NCAPG: variants seen among roughly 807,000 people sequenced by gnomAD.
NCAPG encodes the protein non-SMC condensin I complex subunit G.
NCAPG carries 69 observed loss-of-function variants against 113.1 expected under a neutral mutation model. That is an observed-to-expected ratio of 0.61 (90% CI 0.50 to 0.75). The LOEUF is 0.75. Ranked by LOEUF, NCAPG falls within the 30% of genes least tolerant of loss-of-function variation. The pLI is 0.00. For synonymous variants in NCAPG, 370 were observed against 415.8 expected, an observed-to-expected ratio of 0.89 and a Z score of 1.34; for missense variants, 1,058 against 1,177.0, an observed-to-expected ratio of 0.90 and a Z score of 1.48.
At position 17,812,110 on chromosome 4, in the gene NCAPG, TTTTAA is replaced by T. The variant is rs544934964; in HGVS notation, c.112-107_112-103del. 7.8e-5 allele frequency: 63 copies of T among 804,590 alleles called. 1 individual carries two copies. In the South Asian group the frequency reaches 1.0e-3, roughly 13 times the overall value. 49.8% of individuals were successfully genotyped at this position (804,590 alleles called of 1,614,324 possible). ...TAATTAAGAGTTTACTAAATAAATA[TTTTAA>T]TTTGTCTGCATTATTATGGCTAGTG... On this transcript the variant is annotated intron_variant, in intron 1 of 20. Transcript: ENST00000251496.
chr4:17,812,207 CT>C lies in NCAPG; in HGVS notation c.112-10del. 1 of 1,606,846 alleles carries C rather than the reference CT, an allele frequency of 6.2e-7. No individual in the cohort carries two copies. ...TATCGGTGCAGTTTATGAAGGGTTT[CT>C]TTTGTCTTTCAGATGGATGATAAGA... On this transcript the variant is annotated splice_polypyrimidine_tract_variant and intron_variant, in intron 1 of 20. Transcript: ENST00000251496.
chr4:17,839,968 C>A (rs954025532), intron 17 of NCAPG, 103 bp from the exon 18 acceptor site: 23 of 1,449,898 alleles, frequency 1.6e-5, no homozygotes, highest in Non-Finnish European at 2.1e-5. Flanking sequence ...TCATAAATTT[C>A]ATATAATTTA....
chr4:17,838,007 TGAAAA>T (rs1394801843), intron 16 of NCAPG, among the ~76,000 whole-genome samples: 1 of 152,222 alleles, frequency 6.6e-6, no homozygotes, highest in Non-Finnish European at 1.5e-5. Context: ...TTTTTGCTAC[TGAAAA>T]GAAATTACTA....
intron 11 of NCAPG, among the ~76,000 whole-genome samples, chr4:17,826,526 C>G (rs909421024): frequency 6.6e-6 from 1 of 152,096 alleles, no homozygotes; most frequent in African/African-American, 2.4e-5. Flanking sequence ...ATTTGGAAAG[C>G]AAATTTAAAG....
At chr4:17,840,244 C>CT in intron 18 of NCAPG, 35 bp downstream of exon 18, 5 of 1,469,214 alleles carry the variant, frequency 3.4e-6, no homozygotes, top group East Asian at 2.5e-5. Context: ...TTATAAGGTT[C>CT]TGTTTTTTTT....
intron 7 of NCAPG, among the ~76,000 whole-genome samples, chr4:17,819,831 C>T (rs1721378731): frequency 1.3e-5 from 2 of 152,196 alleles, no homozygotes; most frequent in Admixed American, 6.5e-5. Context: ...GTGCATGCCT[C>T]TAAATTTCCC....
At chr4:17,830,186 G>A (rs1361296308) in intron 12 of NCAPG, among the ~76,000 whole-genome samples, 1 of 152,116 alleles carries the variant, frequency 6.6e-6, no homozygotes, top group Non-Finnish European at 1.5e-5. Flanking sequence ...GAGCTCAGGA[G>A]TTTGAGACCA....
chr4:17,842,685 A>G lies in NCAPG; in HGVS notation c.2924+306A>G. On this transcript the variant is annotated intron_variant, in intron 20 of 20. Transcript: ENST00000251496. ...AGTTAGCAAACTCTTGATTTTGATA[A>G]TATTTGGGTTCTCTACACTTACATA... The G allele has an allele frequency of 1.4e-5, 4 of 276,026 alleles. No individual in the cohort carries two copies. In the East Asian group the frequency reaches 3.3e-4, roughly 23 times the overall value. The allele number at this position is 276,026 out of a possible 1,614,324, so 17.1% of individuals were successfully genotyped here.
chr4:17,817,141 G>A, intron 5 of NCAPG, 120 bp from the exon 6 acceptor site: 2 of 674,918 alleles, frequency 3.0e-6, no homozygotes, highest in Non-Finnish European at 2.5e-6. Flanking sequence ...GCTTAGTTGT[G>A]CCTCTTAACC....
intron 8 of NCAPG, 36 bp from the exon 9 acceptor site, chr4:17,823,611 C>T (rs1560225959): frequency 1.9e-6 from 3 of 1,569,706 alleles, no homozygotes; most frequent in Admixed American, 1.8e-5. Context: ...CATGTTTTGT[C>T]ATAATAATAT....
intron 13 of NCAPG, 27 bp downstream of exon 13, chr4:17,831,143 A>C (rs1340312729): frequency 1.2e-6 from 2 of 1,607,812 alleles, no homozygotes; most frequent in Non-Finnish European, 1.7e-6. Flanking sequence ...GATAAATCTC[A>C]ACTGTATTTC....
At position 17,837,721 on chromosome 4, in the gene NCAPG, A is replaced by C. The variant is rs767619070; in HGVS notation, c.2386A>C (p.Thr796Pro). The C allele has an allele frequency of 1.9e-6, 3 of 1,614,026 alleles. No individual in the cohort carries two copies. In the South Asian group the frequency reaches 3.3e-5, roughly 18 times the overall value. ...ASSPLAEIDI[T>P]NVAELLVDLT... ...TTCTCCTTTAGCTGAAATTGATATC[A>C]CAAATGTTGCTGAGTTACTTGTAGA... Residue 796 changes from threonine (T) to proline (P), a missense_variant, in exon 16 of 21, where the codon ACA (threonine) becomes CCA (proline). By Grantham distance (38) the Thr-to-Pro change is conservative. Transcript: ENST00000251496.
rs1349962549 is a variant in NCAPG at position 17,813,130 on chromosome 4, T to C, written c.529T>C (p.Cys177Arg). ...ACTTCAGGATCCCAAGGATGATGAA[T>C]GCCCAGTGGTTAATGGTGTGTGTAG... ...SRLQDPKDDECPVVNAYATLI... is the reference protein window; with the variant it reads ...SRLQDPKDDERPVVNAYATLI... The change falls in exon 3 of 21, where the codon TGC becomes CGC. Residue 177 changes from cysteine to arginine, a missense_variant. Coordinates refer to ENST00000251496, the MANE Select transcript of NCAPG (RefSeq NM_022346.5). 56 of 1,613,202 alleles carry C rather than the reference T, an allele frequency of 3.5e-5. No homozygotes were observed. Among genetic ancestry groups the C allele is most frequent in the Non-Finnish European group, 4.1e-5 (48 of 1,179,274 alleles).
rs1041410359 is a variant in NCAPG, at chr4:17,831,198, A to G, written c.1884+82A>G. 2.9e-6 allele frequency: 4 copies of G among 1,368,842 alleles called. No homozygotes were observed. The Admixed American group carries it at 9.4e-5, about 32-fold the overall frequency. 84.8% of individuals were successfully genotyped at this position (1,368,842 alleles called of 1,614,324 possible). Reference sequence around the variant, plus strand: ...TAATGCTAATACTCTGAATTTATCTATTCTGATTCTTATTGATGATGATTA... The same window carrying G: ...TAATGCTAATACTCTGAATTTATCTGTTCTGATTCTTATTGATGATGATTA... On this transcript the variant is annotated intron_variant, in intron 13 of 20. Transcript: ENST00000251496.
intron 5 of NCAPG, 90 bp downstream of exon 5, chr4:17,815,448 A>G: frequency 1.2e-6 from 1 of 866,560 alleles, no homozygotes; most frequent in Non-Finnish European, 1.8e-6. Flanking sequence ...AAATCAGGTC[A>G]AGTAAGCCTG....
intron 12 of NCAPG, among the ~76,000 whole-genome samples, chr4:17,830,264 G>A (rs996085294): frequency 3.3e-5 from 5 of 151,794 alleles, no homozygotes; most frequent in Non-Finnish European, 7.4e-5. Flanking sequence ...GTGGTGACTC[G>A]GGCCTGTGCT....
chr4:17,835,066 G>T (rs1722039749), intron 14 of NCAPG, among the ~76,000 whole-genome samples: 1 of 152,178 alleles, frequency 6.6e-6, no homozygotes, highest in Non-Finnish European at 1.5e-5. Flanking sequence ...TGGGTGGGTA[G>T]AAGATGTAAG....
At chr4:17,842,468 A>C in intron 20 of NCAPG, 89 bp downstream of exon 20, 3 of 1,011,084 alleles carry the variant, frequency 3.0e-6, no homozygotes, top group Non-Finnish European at 4.6e-6. Flanking sequence ...TGCGAATGAG[A>C]GAGAATATAT....
Position 17,811,158 on chromosome 4 carries a change from G to T in NCAPG, c.81G>T (p.Leu27=), listed in dbSNP as rs371796913. The T allele has an allele frequency of 6.6e-7, 1 of 1,514,862 alleles. No individual in the cohort carries two copies. The highest frequency in any genetic ancestry group is 2.8e-5 in the East Asian group (1 of 36,214). The allele number at this position is 1,514,862 out of a possible 1,614,324, so 93.8% of individuals were successfully genotyped here. The change falls in exon 1 of 21, where the codon CTG becomes CTT. Residue 27 remains leucine, a synonymous_variant. Coordinates refer to ENST00000251496, the MANE Select transcript of NCAPG (RefSeq NM_022346.5). The surrounding 1 kb of genome is among the most constrained non-coding windows in gnomAD (Gnocchi z 5.3). ...AGCCGCACCAGAACCAGGCGAAGCT[G>T]GTGGTGGCGCTGAGCCGCACCTACC... is the stretch of plus-strand genomic sequence containing the variant. The part of the protein sequence containing the change: ...AQQPHQNQAK[L]VVALSRTYRT...
Sources: gnomAD v4.1 joint callset for allele counts (sites outside exome capture counted in the v4.1 genomes callset) on GRCh38, gnomAD v4.1.1 for gene constraint, Gnocchi (gnomAD v3.1) non-coding constraint, MANE v1.5 for transcripts, NCBI Gene and HGNC (gene_info 2026-07-23, HGNC 2026-07-21) for gene names.